Variants in CAST observed in about 807,000 individuals in gnomAD.
The protein encoded by CAST is calpastatin.
CAST carries 76 observed loss-of-function variants against 119.6 expected under a neutral mutation model. The ratio of observed to expected loss-of-function variants is 0.64; its 90% CI spans 0.53 to 0.77. The LOEUF (loss-of-function observed/expected upper bound fraction) is 0.77. Ranked by LOEUF, CAST falls within the 30% of genes least tolerant of loss-of-function variation. The probability of loss-of-function intolerance (pLI) is 0.00; values close to 1 mark genes in which losing one functional copy is unlikely to be tolerated. For synonymous variants in CAST, 319 were observed against 331.6 expected, an observed-to-expected ratio of 0.96 and a Z score of 0.41; for missense variants, 953 against 946.5, an observed-to-expected ratio of 1.01 and a Z score of -0.09.
the CAST span, among the ~76,000 whole-genome samples, chr5:96,501,993 C>T: frequency 6.6e-6 from 1 of 152,196 alleles, no homozygotes; most frequent in Non-Finnish European, 1.5e-5. Context: ...CATCTAACAA[C>T]ACATTTCCCA....
the CAST span, among the ~76,000 whole-genome samples, chr5:96,042,781 C>A: frequency 6.6e-6 from 1 of 152,096 alleles, no homozygotes; most frequent in African/African-American, 2.4e-5. Flanking sequence ...TCTCTCTGAG[C>A]CTCAGTTTCA....
the CAST span, among the ~76,000 whole-genome samples, chr5:96,108,138 A>C: frequency 6.6e-6 from 1 of 151,744 alleles, no homozygotes; most frequent in African/African-American, 2.4e-5. Context: ...AATTTTTTTC[A>C]AAGTTTTCAA....
At chr5:96,112,450 T>C in the CAST span, among the ~76,000 whole-genome samples, 1 of 152,134 alleles carries the variant, frequency 6.6e-6, no homozygotes, top group Non-Finnish European at 1.5e-5. Context: ...TATCCTCCAC[T>C]AGGAGGATAA....
At chr5:96,715,770 A>G (rs937133740) in intron 3 of CAST, among the ~76,000 whole-genome samples, 3 of 152,038 alleles carry the variant, frequency 2.0e-5, no homozygotes, top group Admixed American at 1.3e-4. Context: ...CCCTCTTCTG[A>G]CCGCCTGTAG....
chr5:96,749,120 C>T (rs893269123), intron 19 of CAST, among the ~76,000 whole-genome samples: 2 of 152,188 alleles, frequency 1.3e-5, no homozygotes. Context: ...ATGTGTGCAT[C>T]CCTGGCTTTT....
At chr5:96,564,059 G>T (rs1374763088) in intron 1 of CAST, among the ~76,000 whole-genome samples, 1 of 152,194 alleles carries the variant, frequency 6.6e-6, no homozygotes, top group Non-Finnish European at 1.5e-5. Context: ...ATGAGGTCCT[G>T]TTTCAGGAAG....
the CAST span, among the ~76,000 whole-genome samples, chr5:96,131,532 A>G: frequency 6.6e-6 from 1 of 152,202 alleles, no homozygotes; most frequent in Non-Finnish European, 1.5e-5. Context: ...AATAAATGGC[A>G]GAGCTGCAGC....
the CAST span, among the ~76,000 whole-genome samples, chr5:96,444,442 G>A: frequency 1.3e-5 from 2 of 152,174 alleles, no homozygotes; most frequent in African/African-American, 2.4e-5. Context: ...ATCTCAAGCT[G>A]TACAATCTGC....
At chr5:96,722,768 C>A in intron 4 of CAST, 70 bp downstream of exon 4, 1 of 1,088,236 alleles carries the variant, frequency 9.2e-7, no homozygotes, top group Non-Finnish European at 1.4e-6. Flanking sequence ...CAAATGTAGA[C>A]TAATTGTTGA....
the CAST span, among the ~76,000 whole-genome samples, chr5:96,107,319 C>T: frequency 1.1e-4 from 16 of 152,054 alleles, no homozygotes; most frequent in African/African-American, 1.9e-4. Context: ...TTCCTAGTCT[C>T]GATGGTCTTT....
At chr5:96,236,127 C>CTCTA in the CAST span, among the ~76,000 whole-genome samples, 1 of 144,192 alleles carries the variant, frequency 6.9e-6, no homozygotes, top group South Asian at 2.2e-4. Flanking sequence ...CTATCTATCT[C>CTCTA]TCTATCTATC....
At chr5:96,647,659 TAATA>T (rs572547169) in intron 1 of CAST, among the ~76,000 whole-genome samples, 4 of 152,050 alleles carry the variant, frequency 2.6e-5, no homozygotes, top group East Asian at 1.9e-4. Context: ...TAAAAATACA[TAATA>T]AATAAATAAA....
At chr5:96,330,665 C>T in the CAST span, among the ~76,000 whole-genome samples, 3 of 152,160 alleles carry the variant, frequency 2.0e-5, no homozygotes, top group Admixed American at 2.0e-4. Context: ...GACAGTGTCA[C>T]GAGGAATTTT....
chr5:96,758,113 G>T (rs1255730451), intron 24 of CAST, among the ~76,000 whole-genome samples: 1 of 152,048 alleles, frequency 6.6e-6, no homozygotes. Context: ...AAAATGTGTT[G>T]CACCATGAAA....
At chr5:96,412,750 A>ATATTTT in the CAST span, among the ~76,000 whole-genome samples, 1 of 63,388 alleles carries the variant, frequency 1.6e-5, no homozygotes, top group African/African-American at 7.9e-5. Context: ...GGCAGCTGTG[A>ATATTTT]TGTTTTTTTT....
the CAST span, among the ~76,000 whole-genome samples, chr5:96,444,545 C>CT: frequency 0.45 from 68,698 of 151,792 alleles, 16,654 homozygotes; most frequent in African/African-American, 0.63. Context: ...ATCTTATTTA[C>CT]TTTTTTCTTT....
chr5:95,962,367 G>C, the CAST span, among the ~76,000 whole-genome samples: 1 of 152,238 alleles, frequency 6.6e-6, no homozygotes, highest in Non-Finnish European at 1.5e-5. Flanking sequence ...GCGTGCGTGT[G>C]GGGGAGGACG....
At chr5:96,356,127 A>G in the CAST span, among the ~76,000 whole-genome samples, 1 of 152,172 alleles carries the variant, frequency 6.6e-6, no homozygotes, top group Non-Finnish European at 1.5e-5. Context: ...TGGCCACATA[A>G]TTGTCTTCTT....
chr5:96,488,647 T>G, the CAST span, among the ~76,000 whole-genome samples: 49,555 of 151,932 alleles, frequency 0.33, 8,261 homozygotes, highest in Middle Eastern at 0.43. Context: ...GAGTAGATCT[T>G]CAGTGGAGAG....
Sources: gnomAD v4.1 joint callset for allele counts (sites outside exome capture counted in the v4.1 genomes callset) on GRCh38, gnomAD v4.1.1 for gene constraint, MANE v1.5 for transcripts, NCBI Gene and HGNC (gene_info 2026-07-23, HGNC 2026-07-21) for gene names.